CDH4: variants seen among roughly 807,000 people sequenced by gnomAD.
CDH4 encodes cadherin 4, also known as cadherin-4.
In CDH4, 33 loss-of-function variants were observed where a neutral mutation model predicts 86.0. The observed-to-expected ratio is 0.38, with a 90% CI of 0.29 to 0.51. CDH4 has a LOEUF of 0.51. CDH4 is among the 20% of genes least tolerant of loss of function. The pLI is 0.86. For synonymous variants in CDH4, 555 were observed against 549.4 expected (o/e 1.01, Z -0.14); for missense variants, 1,114 against 1,307.4 (o/e 0.85, Z 2.28).
At chr20:61,434,376 A>G (rs1396416679) in intron 2 of CDH4, among the ~76,000 whole-genome samples, 1 of 152,200 alleles carries the variant, frequency 6.6e-6, no homozygotes, top group Admixed American at 6.5e-5. Context: ...TGCAACTCTA[A>G]GCCCCGAGTT....
chr20:61,729,488 C>A (rs919402984), intron 2 of CDH4, among the ~76,000 whole-genome samples: 2 of 152,200 alleles, frequency 1.3e-5, no homozygotes, highest in African/African-American at 4.8e-5. Context: ...AGAGAAATTC[C>A]TCTCTTTATA....
chr20:61,914,096 G>GC (rs984487480), intron 9 of CDH4, among the ~76,000 whole-genome samples: 21 of 152,186 alleles, frequency 1.4e-4, no homozygotes, highest in African/African-American at 2.9e-4. Context: ...TGTGCCTCCT[G>GC]CCCCCCCACA....
chr20:61,477,252 T>A lies in CDH4; in HGVS notation c.169+222315T>A, dbSNP rs564205832. Among the ~76,000 whole-genome samples, 51 of 152,258 alleles carry A rather than the reference T, an allele frequency of 3.3e-4. 2 individuals carry two copies. The highest frequency in any genetic ancestry group is 3.9e-4 in the Admixed American group (6 of 15,308). ...GGGGCAGGAGGGGTCCTATGGCCAA[T>A]GGGCAAATGCAGTGCAAGGGGGCAG... On this transcript the variant is annotated intron_variant, in intron 2 of 15. Transcript: ENST00000614565.
At chr20:61,447,710 C>G (rs1221615011) in intron 2 of CDH4, among the ~76,000 whole-genome samples, 2 of 146,224 alleles carry the variant, frequency 1.4e-5, no homozygotes, top group Non-Finnish European at 3.0e-5. Context: ...GAGGTAGGAG[C>G]AAGAGTAGAA....
At chr20:61,560,773 C>T (rs767653650) in intron 2 of CDH4, among the ~76,000 whole-genome samples, 12 of 152,240 alleles carry the variant, frequency 7.9e-5, no homozygotes, top group Non-Finnish European at 1.8e-4. Context: ...AGAAGGAGCC[C>T]GGGTCTCAGC....
chr20:61,654,877 G>A (rs2087169850), intron 2 of CDH4, among the ~76,000 whole-genome samples: 1 of 151,950 alleles, frequency 6.6e-6, no homozygotes, highest in Non-Finnish European at 1.5e-5. Context: ...CTGCTCCTCT[G>A]AGACGGGCAG....
intron 2 of CDH4, among the ~76,000 whole-genome samples, chr20:61,485,792 C>A (rs1015065738): frequency 3.7e-4 from 57 of 152,246 alleles, no homozygotes; most frequent in Non-Finnish European, 1.2e-4. Flanking sequence ...GGCCCTGTTT[C>A]TCTCAGCACT....
chr20:61,360,661 G>T (rs1486199670), intron 2 of CDH4, among the ~76,000 whole-genome samples: 2 of 152,160 alleles, frequency 1.3e-5, no homozygotes, highest in African/African-American at 4.8e-5. Flanking sequence ...GAAGTCAGAA[G>T]GGCCCCAGAT....
At chr20:61,768,187 C>G (rs1023605634) in intron 3 of CDH4, among the ~76,000 whole-genome samples, 3 of 152,124 alleles carry the variant, frequency 2.0e-5, no homozygotes, top group Non-Finnish European at 4.4e-5. Context: ...GTGATGTGCT[C>G]TATACACACA....
chr20:61,285,415 G>A (rs2084288040), intron 2 of CDH4, among the ~76,000 whole-genome samples: 1 of 152,224 alleles, frequency 6.6e-6, no homozygotes, highest in African/African-American at 2.4e-5. Context: ...AGCAGGGGCA[G>A]GACGGGTCCG....
chr20:61,631,551 A>G (rs1225434550), intron 2 of CDH4, among the ~76,000 whole-genome samples: 1 of 152,204 alleles, frequency 6.6e-6, no homozygotes, highest in African/African-American at 2.4e-5. Flanking sequence ...AGGCTGAAGC[A>G]GGAGAATCGC....
intron 2 of CDH4, among the ~76,000 whole-genome samples, chr20:61,345,055 G>C (rs1363579384): frequency 2.0e-5 from 3 of 152,160 alleles, no homozygotes; most frequent in Non-Finnish European, 4.4e-5. Flanking sequence ...AATAGTGGGG[G>C]CAGAAGTGAT....
intron 2 of CDH4, among the ~76,000 whole-genome samples, chr20:61,551,116 G>A (rs2086126406): frequency 6.6e-6 from 1 of 152,254 alleles, no homozygotes; most frequent in Non-Finnish European, 1.5e-5. Flanking sequence ...CGATAAAGGT[G>A]TAATGAAAGA....
At chr20:61,295,807 C>CCACT (rs1452102085) in intron 2 of CDH4, among the ~76,000 whole-genome samples, 3 of 152,292 alleles carry the variant, frequency 2.0e-5, no homozygotes, top group African/African-American at 7.2e-5. Flanking sequence ...CGGCCTGTGT[C>CCACT]CACTCACTCA....
chr20:61,600,848 T>A (rs2145744216), intron 2 of CDH4, among the ~76,000 whole-genome samples: 1 of 152,318 alleles, frequency 6.6e-6, no homozygotes, highest in South Asian at 2.1e-4. Flanking sequence ...AATATTTCGG[T>A]CCTCAGTTGG....
chr20:61,760,675 T>C (rs1196100237), intron 3 of CDH4, among the ~76,000 whole-genome samples: 1 of 152,214 alleles, frequency 6.6e-6, no homozygotes, highest in Admixed American at 6.5e-5. Context: ...TCCTTCCAAA[T>C]GGACACAGTG....
rs148393760 is a variant in CDH4, at chr20:61,414,187, T to C, written c.169+159250T>C. 5.4e-3 allele frequency among the ~76,000 whole-genome samples: 830 copies of C among 152,348 alleles called. 8 individuals carry two copies. Among genetic ancestry groups the C allele is most frequent in the African/African-American group, 0.018 (767 of 41,594 alleles). ...TGCTGCTGGGGGTTAAGACTCAGCA[T>C]ATGAATCTTGGGGAATGCAGGTTAG... On this transcript the variant is annotated intron_variant, in intron 2 of 15. Coordinates refer to ENST00000614565, the MANE Select transcript of CDH4 (RefSeq NM_001794.5).
intron 2 of CDH4, among the ~76,000 whole-genome samples, chr20:61,457,227 C>T (rs983819156): frequency 2.6e-5 from 4 of 152,178 alleles, no homozygotes; most frequent in South Asian, 2.1e-4. Context: ...TGCTCTTCCA[C>T]TTACCTGGGA....
chr20:61,837,847 A>T (rs1360761744), intron 4 of CDH4, among the ~76,000 whole-genome samples: 3 of 151,910 alleles, frequency 2.0e-5, no homozygotes, highest in Non-Finnish European at 4.4e-5. Flanking sequence ...TCTGGAACCC[A>T]TGTATCATCC....
Sources: allele counts gnomAD v4.1 joint callset (sites outside exome capture counted in the v4.1 genomes callset), GRCh38; gene constraint gnomAD v4.1.1; transcripts MANE v1.5; gene names NCBI Gene and HGNC (gene_info 2026-07-23, HGNC 2026-07-21).